SORCS1: variants seen among roughly 807,000 people sequenced by gnomAD.
SORCS1 encodes sortilin related VPS10 domain containing receptor 1.
Under a neutral mutation model 146.1 loss-of-function variants are expected in SORCS1, and 60 were observed. That is an observed-to-expected ratio of 0.41 (90% CI 0.33 to 0.51). The LOEUF (loss-of-function observed/expected upper bound fraction) is 0.51, where lower values mean the gene tolerates loss of function less well. Among genes scored for constraint, SORCS1 ranks in the 20% least tolerant of loss-of-function variants. The probability of loss-of-function intolerance (pLI) is 0.21; values close to 1 mark genes in which losing one functional copy is unlikely to be tolerated. For synonymous variants in SORCS1, 637 were observed against 584.0 expected (o/e 1.09, Z -1.31); for missense variants, 1,352 against 1,487.6 (o/e 0.91, Z 1.50).
chr10:106,642,356 G>A (rs1358667811), intron 18 of SORCS1, among the ~76,000 whole-genome samples: 2 of 152,166 alleles, frequency 1.3e-5, no homozygotes. Flanking sequence ...ACCTAGCAGG[G>A]ACCTCTAGGT....
chr10:106,929,705 T>C lies in SORCS1; in HGVS notation c.626+26808A>G, dbSNP rs564220759. Among the ~76,000 whole-genome samples the C allele has an allele frequency of 4.6e-5, 7 of 151,932 alleles. No individual in the cohort carries two copies. The South Asian group carries it at 1.5e-3, about 32-fold the overall frequency. On this transcript the variant is annotated intron_variant, in intron 2 of 25. Transcript: ENST00000263054. The stretch of plus-strand genomic sequence containing the variant: ...TGCTGTTCCTGGCTGAATTTTGGAG[T>C]AGTCAGCAAGGTTCCTATAACAAAC...
intron 1 of SORCS1, among the ~76,000 whole-genome samples, chr10:107,158,500 A>G (rs1419356716): frequency 6.6e-6 from 1 of 152,124 alleles, no homozygotes; most frequent in Non-Finnish European, 1.5e-5. Context: ...TGAAGTACCT[A>G]CTCTACAATC....
chr10:107,022,124 G>A (rs1460084819), intron 1 of SORCS1, among the ~76,000 whole-genome samples: 1 of 152,112 alleles, frequency 6.6e-6, no homozygotes, highest in Non-Finnish European at 1.5e-5. Context: ...GGGCTGAAGG[G>A]AAGGAATACG....
chr10:107,056,905 T>C (rs773454583), intron 1 of SORCS1, among the ~76,000 whole-genome samples: 5 of 152,216 alleles, frequency 3.3e-5, no homozygotes, highest in Non-Finnish European at 7.3e-5. Flanking sequence ...CAATTTAAGC[T>C]GAGTTTATGT....
chr10:106,648,140 G>T (rs11192993), intron 18 of SORCS1, among the ~76,000 whole-genome samples: 2 of 151,832 alleles, frequency 1.3e-5, no homozygotes, highest in Non-Finnish European at 2.9e-5. Context: ...GGGATCCACC[G>T]CACCATTCCT....
intron 1 of SORCS1, among the ~76,000 whole-genome samples, chr10:106,977,569 T>C (rs190039927): frequency 1.1e-3 from 160 of 150,852 alleles, no homozygotes; most frequent in African/African-American, 3.7e-3. Context: ...ATTATTTGTT[T>C]AACCTGTGTC....
intron 1 of SORCS1, among the ~76,000 whole-genome samples, chr10:107,065,491 TCCTCTCCTCTCCTCTC>T (rs1304081048): frequency 3.5e-5 from 3 of 86,122 alleles, no homozygotes; most frequent in African/African-American, 1.1e-4. Flanking sequence ...TCCTCTCCTC[TCCTCTCCTCTCCTCTC>T]CTCTCTTTCT....
chr10:106,785,086 G>C (rs116083561), intron 3 of SORCS1, among the ~76,000 whole-genome samples: 1,579 of 152,252 alleles, frequency 0.01, 25 homozygotes, highest in African/African-American at 0.035. Flanking sequence ...ACCCTGCTTT[G>C]GTACACTGAT....
intron 24 of SORCS1, among the ~76,000 whole-genome samples, chr10:106,588,705 C>CA (rs1194725115): frequency 2.6e-5 from 4 of 151,106 alleles, no homozygotes; most frequent in Admixed American, 6.6e-5. Context: ...ACTAAAAATA[C>CA]AAAAAATTAG....
intron 3 of SORCS1, among the ~76,000 whole-genome samples, chr10:106,782,864 G>A (rs933575275): frequency 4.6e-5 from 7 of 152,284 alleles, no homozygotes; most frequent in African/African-American, 1.4e-4. Flanking sequence ...GTGCACCACA[G>A]ACTTCTGTTC....
chr10:106,821,976 C>A (rs1256495419), intron 3 of SORCS1, among the ~76,000 whole-genome samples: 2 of 150,442 alleles, frequency 1.3e-5, no homozygotes, highest in Non-Finnish European at 3.0e-5. Context: ...AAGCAGTAAA[C>A]CACCTCTGAG....
At chr10:106,978,359 C>T (rs1174698493) in intron 1 of SORCS1, among the ~76,000 whole-genome samples, 1 of 152,016 alleles carries the variant, frequency 6.6e-6, no homozygotes, top group Non-Finnish European at 1.5e-5. Flanking sequence ...CTAAGAAATC[C>T]CTAGGAGTCT....
chr10:106,945,511 G>A (rs1272355756), intron 2 of SORCS1, among the ~76,000 whole-genome samples: 3 of 152,206 alleles, frequency 2.0e-5, no homozygotes, highest in East Asian at 1.9e-4. Context: ...CTGGATGGTG[G>A]TGATCTGTAT....
chr10:107,146,033 G>C (rs1217181319), intron 1 of SORCS1, among the ~76,000 whole-genome samples: 1 of 152,132 alleles, frequency 6.6e-6, no homozygotes, highest in Non-Finnish European at 1.5e-5. Flanking sequence ...CAGGGAAGTA[G>C]CTCCACAGTT....
intron 8 of SORCS1, among the ~76,000 whole-genome samples, chr10:106,705,064 C>T (rs931693017): frequency 6.6e-6 from 1 of 151,704 alleles, no homozygotes; most frequent in Non-Finnish European, 1.5e-5. Flanking sequence ...TCATCTAAGG[C>T]ACAACTTAAG....
chr10:106,787,486 T>G lies in SORCS1; in HGVS notation c.727-10794A>C, dbSNP rs569072852. 1.4e-4 allele frequency among the ~76,000 whole-genome samples: 22 copies of G among 152,316 alleles called. No homozygotes were observed. The South Asian group carries it at 4.1e-3, about 29-fold the overall frequency. On this transcript the variant is annotated intron_variant, in intron 3 of 25. Coordinates refer to ENST00000263054, the MANE Select transcript of SORCS1 (RefSeq NM_052918.5). Reference sequence around the variant, plus strand: ...TTTTATTATTTTTTAAAATTGTATTTGCATCTGGCTGCATAGCTCAATTCC... The same window carrying G: ...TTTTATTATTTTTTAAAATTGTATTGGCATCTGGCTGCATAGCTCAATTCC...
At chr10:106,959,462 T>C (rs1441886333) in intron 1 of SORCS1, among the ~76,000 whole-genome samples, 1 of 152,228 alleles carries the variant, frequency 6.6e-6, no homozygotes, top group African/African-American at 2.4e-5. Flanking sequence ...CAACGATGCA[T>C]CCTTATGTTA....
At chr10:106,938,312 A>G (rs552928360) in intron 2 of SORCS1, among the ~76,000 whole-genome samples, 2 of 152,310 alleles carry the variant, frequency 1.3e-5, no homozygotes, top group South Asian at 2.1e-4. Context: ...CTACACCTTG[A>G]TCTTTGCCCT....
chr10:106,657,725 C>A (rs1850415264), intron 17 of SORCS1, among the ~76,000 whole-genome samples: 1 of 150,358 alleles, frequency 6.7e-6, no homozygotes, highest in Non-Finnish European at 1.5e-5. Flanking sequence ...CACTACTGAC[C>A]TGAAGGTTAA....
Sources: gnomAD v4.1 joint callset for allele counts (sites outside exome capture counted in the v4.1 genomes callset) on GRCh38, gnomAD v4.1.1 for gene constraint, MANE v1.5 for transcripts, NCBI Gene and HGNC (gene_info 2026-07-23, HGNC 2026-07-21) for gene names.